The following SPTBN2 variants were observed in gnomAD, a reference collection of about 807,000 sequenced individuals.
SPTBN2 encodes spectrin beta chain, non-erythrocytic 2.
Under a neutral mutation model 284.2 loss-of-function variants are expected in SPTBN2, and 107 were observed. That is an observed-to-expected ratio of 0.38 (90% CI 0.32 to 0.44). SPTBN2 has a LOEUF of 0.44. Among genes scored for constraint, SPTBN2 ranks in the 20% least tolerant of loss-of-function variants. The probability of loss-of-function intolerance (pLI) is 1.00; values close to 1 mark genes in which losing one functional copy is unlikely to be tolerated. For synonymous variants in SPTBN2, 1,289 were observed against 1,354.8 expected (o/e 0.95, Z 1.07); for missense variants, 2,569 against 3,287.1 (o/e 0.78, Z 5.34).
rs1940017478 is a variant in SPTBN2, at chr11:66,684,963, A to G, written c.*908T>C. Among the ~76,000 whole-genome samples the G allele has an allele frequency of 6.6e-6, 1 of 152,212 alleles. No homozygotes were observed. The highest frequency in any genetic ancestry group is 1.5e-5 in the Non-Finnish European group (1 of 68,034). On this transcript the variant is annotated 3_prime_UTR_variant, in exon 38 of 38. Coordinates refer to ENST00000533211, the MANE Select transcript of SPTBN2 (RefSeq NM_006946.4). ...AGTGAAGAAAATTGTGCACCAGGGAAGGAGTCCCTCATTGCTTTTTAACAT... is the reference window on the plus strand; with the variant it reads ...AGTGAAGAAAATTGTGCACCAGGGAGGGAGTCCCTCATTGCTTTTTAACAT...
At position 66,683,904 on chromosome 11, in the gene SPTBN2, T is replaced by G. The variant is rs1939940128; in HGVS notation, c.*1967A>C. 6.6e-6 allele frequency among the ~76,000 whole-genome samples: 1 copy of G among 152,218 alleles called. No individual in the cohort carries two copies. The highest frequency in any genetic ancestry group is 1.9e-4 in the East Asian group (1 of 5,202). The stretch of plus-strand genomic sequence containing the variant: ...AGTTGTATTTGAAGAAAAGATGCTG[T>G]GTAGTGCTGATGGATTCTTCCACTT... On this transcript the variant is annotated 3_prime_UTR_variant, in exon 38 of 38. Coordinates refer to ENST00000533211, the MANE Select transcript of SPTBN2 (RefSeq NM_006946.4).
Position 66,715,209 on chromosome 11 carries a change from T to A in SPTBN2, c.483+13A>T. On this transcript the variant is annotated intron_variant, in intron 5 of 37. Transcript: ENST00000533211. The surrounding 1 kb of genome is among the most constrained non-coding windows in gnomAD (Gnocchi z 5.3). ...GCAGGAACCACACCCTGTGTGACAG[T>A]GTGCTGGGGTACCTGGAATCGAAGG... is the stretch of plus-strand genomic sequence containing the variant. The A allele has an allele frequency of 1.2e-6, 2 of 1,614,158 alleles. No individual in the cohort carries two copies. Among genetic ancestry groups the A allele is most frequent in the Non-Finnish European group, 1.7e-6 (2 of 1,180,020 alleles).
At position 66,708,854 on chromosome 11, in the gene SPTBN2, G is replaced by C. The variant is rs1941706485; in HGVS notation, c.1191+48C>G. ...GTTTGGGGATGTGTGCAAGGCATCT[G>C]GGCCAGGGCCTGCCCTGAGGGTGGG... On this transcript the variant is annotated intron_variant, in intron 11 of 37. Transcript: ENST00000533211. The surrounding 1 kb of genome is among the most constrained non-coding windows in gnomAD (Gnocchi z 4.4). 1 of 1,517,196 alleles carries C rather than the reference G, an allele frequency of 6.6e-7. No homozygotes were observed. Among genetic ancestry groups the C allele is most frequent in the Non-Finnish European group, 9.1e-7 (1 of 1,093,146 alleles). The allele number at this position is 1,517,196 out of a possible 1,614,324, so 94.0% of individuals were successfully genotyped here.
intron 7 of SPTBN2, among the ~76,000 whole-genome samples, 159 bp downstream of exon 7, chr11:66,713,932 T>C (rs1056877050): frequency 2.6e-5 from 4 of 152,134 alleles, no homozygotes; most frequent in African/African-American, 9.7e-5. Context: ...TCACAAGTGC[T>C]CTGCGCAGCC....
intron 37 of SPTBN2, 62 bp downstream of exon 37, chr11:66,686,336 G>T: frequency 6.3e-7 from 1 of 1,595,012 alleles, no homozygotes; most frequent in Non-Finnish European, 8.6e-7. Flanking sequence ...GAAAGAAGGG[G>T]AGTCTGCAGC....
Position 66,700,425 on chromosome 11 carries a change from A to G in SPTBN2, c.3573+101T>C, listed in dbSNP as rs775981868. On this transcript the variant is annotated intron_variant, in intron 17 of 37. Coordinates refer to ENST00000533211, the MANE Select transcript of SPTBN2 (RefSeq NM_006946.4). The surrounding 1 kb of genome is among the most constrained non-coding windows in gnomAD (Gnocchi z 6.6). ...CAGGTGTGAACCACTGCGCTGCCCCATTTTGCTAGCATGTCCTTCCTGCCC... is the reference window on the plus strand; with the variant it reads ...CAGGTGTGAACCACTGCGCTGCCCCGTTTTGCTAGCATGTCCTTCCTGCCC... 8.1e-4 allele frequency: 1,257 copies of G among 1,546,308 alleles called. 1 individual carries two copies. The highest frequency in any genetic ancestry group is 1.1e-3 in the Non-Finnish European group (1,198 of 1,137,396).
At position 66,698,789 on chromosome 11, in the gene SPTBN2, G is replaced by A. The variant is rs1287853016; in HGVS notation, c.3868-4C>T. ...TCTCGTCGATCCAGAGCTTCAGCTG[G>A]ACCAAACATAAAACAGGGACATTTC... On this transcript the variant is annotated splice_region_variant and splice_polypyrimidine_tract_variant and intron_variant, in intron 19 of 37. Coordinates refer to ENST00000533211, the MANE Select transcript of SPTBN2 (RefSeq NM_006946.4). 1 of 1,613,332 alleles carries A rather than the reference G, an allele frequency of 6.2e-7. No individual in the cohort carries two copies. Among genetic ancestry groups the A allele is most frequent in the Non-Finnish European group, 8.5e-7 (1 of 1,180,018 alleles).
At chr11:66,733,196 A>G (rs1942826186), upstream of SPTBN2, among the ~76,000 whole-genome samples, 1 of 152,124 alleles carries the variant, frequency 6.6e-6, no homozygotes, top group Non-Finnish European at 1.5e-5. Context: ...AAGTGATAGG[A>G]TCAACTTTGT....
Position 66,715,357 on chromosome 11 carries a change from C to T in SPTBN2, c.348G>A (p.Leu116=), listed in dbSNP as rs766230560. ...PTKGRMRIHC[L]ENVDKALQFL... is the part of the protein sequence containing the mutation. ...ACTGCAGTGCCTTGTCCACGTTCTC[C>T]AGGCAGTGGATCCGCATGCGGCCCT... Residue 116 remains leucine (L), a synonymous_variant, in exon 5 of 38, where the codon CTG becomes CTA. Transcript: ENST00000533211. The surrounding 1 kb of genome is among the most constrained non-coding windows in gnomAD (Gnocchi z 5.3). 40 of 1,614,014 alleles carry T rather than the reference C, an allele frequency of 2.5e-5. No individual in the cohort carries two copies. In the East Asian group the frequency reaches 8.7e-4, roughly 35 times the overall value.
Position 66,741,132 on chromosome 11 carries a change from G to A in SPTBN2, c.-475+3410C>T, listed in dbSNP as rs114214814. On this transcript the variant is annotated intron_variant, in intron 1 of 37. Transcript: ENST00000611817. ...CAAAGTAGACATGTGATATGGTTTG[G>A]CTGTGTGACCATCCAAATCTCATCT... is the stretch of plus-strand genomic sequence containing the variant. Among the ~76,000 whole-genome samples, 138 of 152,300 alleles carry A rather than the reference G, an allele frequency of 9.1e-4. 1 individual carries two copies. The highest frequency in any genetic ancestry group is 3.3e-3 in the African/African-American group (136 of 41,570).
intron 29 of SPTBN2, chr11:66,689,498 C>A: frequency 1.8e-6 from 1 of 544,466 alleles, no homozygotes; most frequent in Non-Finnish European, 3.3e-6. Flanking sequence ...CCCAGCCACA[C>A]AACCCATGGA....
At chr11:66,712,139 T>C (rs1223515699) in intron 8 of SPTBN2, among the ~76,000 whole-genome samples, 2 of 152,212 alleles carry the variant, frequency 1.3e-5, no homozygotes, top group Non-Finnish European at 2.9e-5. Context: ...GCAAGTTGCT[T>C]ACCCATTATA....
rs780506142 is a variant in SPTBN2 at position 66,686,091 on chromosome 11, G to A, written c.6953C>T (p.Ser2318Leu). The stretch of plus-strand genomic sequence containing the variant: ...GGCTGCATTCACCACCCGTAGCCAC[G>A]AGCTCATCTCTGCCTGTGGATGGAA... ...FQAKDEAEMSSWLRVVNAAIA... is the reference protein window; with the variant it reads ...FQAKDEAEMSLWLRVVNAAIA... The change falls in exon 38 of 38, where the codon TCG becomes TTG. Residue 2318 changes from serine to leucine, a missense_variant. Around this residue, in one of 6 missense-constraint regions of SPTBN2, gnomAD observed 1,130 missense variants for 1,317.3 expected, o/e 0.86. Transcript: ENST00000533211. 1.2e-5 allele frequency: 19 copies of A among 1,613,336 alleles called. No individual in the cohort carries two copies. In the South Asian group the frequency reaches 1.6e-4, roughly 14 times the overall value.
rs768308769 is a variant in SPTBN2, at chr11:66,691,628, G to A, written c.5221C>T (p.Arg1741Trp). Residue 1741 changes from arginine (R) to tryptophan (W), a missense_variant, in exon 27 of 38, where the codon CGG (arginine) becomes TGG (tryptophan). This residue lies in a region of SPTBN2 where 1,130 missense variants were observed against 1,317.3 expected (regional missense o/e 0.86). Coordinates refer to ENST00000533211, the MANE Select transcript of SPTBN2 (RefSeq NM_006946.4). This position sits in a 1 kb window ranked among gnomAD's most constrained non-coding sequence, Gnocchi z 8.0. ...TCCTGACCGATGGTGCTTGTGTCCC[G>A]GGAGAACTCTCGGAATTTGTCTCGG... is the stretch of plus-strand genomic sequence containing the variant. ...MLRDKFREFSRDTSTIGQERV... is the reference protein window; with the variant it reads ...MLRDKFREFSWDTSTIGQERV... 7 of 1,613,768 alleles carry A rather than the reference G, an allele frequency of 4.3e-6. No homozygotes were observed. Among genetic ancestry groups the A allele is most frequent in the South Asian group, 1.1e-5 (1 of 91,086 alleles).
In SPTBN2 at chr11:66,704,582, A is replaced by G; in HGVS notation, c.2678+16T>C. ...ACCTCCCAAGGCTGGTCCCACTAGG[A>G]GCCTGAGGGGCCTACCTCTGCTGCA... On this transcript the variant is annotated intron_variant, in intron 15 of 37. Coordinates refer to ENST00000533211, the MANE Select transcript of SPTBN2 (RefSeq NM_006946.4). 1 of 1,596,832 alleles carries G rather than the reference A, an allele frequency of 6.3e-7. No individual in the cohort carries two copies. Among genetic ancestry groups the G allele is most frequent in the Non-Finnish European group, 8.5e-7 (1 of 1,171,850 alleles).
In SPTBN2 at chr11:66,688,513, T is replaced by C. The variant is rs1011507328; in HGVS notation, c.6231+140A>G. ...GGGGAACTGACACCTCCTAAAGGTG[T>C]GGTGACAATGGCACTCTCAGCTCAC... is the stretch of plus-strand genomic sequence containing the variant. On this transcript the variant is annotated intron_variant, in intron 31 of 37. Transcript: ENST00000533211. 32 of 1,448,312 alleles carry C rather than the reference T, an allele frequency of 2.2e-5. No individual in the cohort carries two copies. The African/African-American group carries it at 4.2e-4, about 19-fold the overall frequency. The allele number at this position is 1,448,312 out of a possible 1,614,324, so 89.7% of individuals were successfully genotyped here.
chr11:66,705,352 G>T lies in SPTBN2; in HGVS notation c.1924C>A (p.Arg642=). The stretch of plus-strand genomic sequence containing the variant: ...ACCTCCCAGAGGAAACGCCAGAGCC[G>T]CCGTGATTCCTCCAGCCGGGCCCGC... ...ARRARLEESR[R]LWRFLWEVGE... The change falls in exon 15 of 38, where the codon CGG becomes AGG. Residue 642 remains arginine, a synonymous_variant. Coordinates refer to ENST00000533211, the MANE Select transcript of SPTBN2 (RefSeq NM_006946.4). 1 of 1,611,608 alleles carries T rather than the reference G, an allele frequency of 6.2e-7. No individual in the cohort carries two copies. Among genetic ancestry groups the T allele is most frequent in the Admixed American group, 1.7e-5 (1 of 60,006 alleles).
chr11:66,690,114 A>C lies in SPTBN2; in HGVS notation c.5735T>G (p.Phe1912Cys), dbSNP rs2135329229. Residue 1912 changes from phenylalanine (F) to cysteine (C), a missense_variant, in exon 28 of 38, where the codon TTC (phenylalanine) becomes TGC (cysteine). This residue lies in a region of SPTBN2 where 1,130 missense variants were observed against 1,317.3 expected (regional missense o/e 0.86). Coordinates refer to ENST00000533211, the MANE Select transcript of SPTBN2 (RefSeq NM_006946.4). ...LLLDTTDKFRFFKAVRELMLW... is the reference protein window; with the variant it reads ...LLLDTTDKFRCFKAVRELMLW... ...CATCAGTTCCCGGACAGCCTTGAAG[A>C]AGCGGAACTTGTCTGTGGTGTCCAG... 1.2e-6 allele frequency: 2 copies of C among 1,614,250 alleles called. No homozygotes were observed. Among genetic ancestry groups the C allele is most frequent in the East Asian group, 4.5e-5 (2 of 44,892 alleles).
rs761862995 is a variant in SPTBN2 at position 66,687,514 on chromosome 11, C to A, written c.6635G>T (p.Gly2212Val). The A allele has an allele frequency of 7.4e-6, 12 of 1,612,016 alleles. No individual in the cohort carries two copies. The highest frequency in any genetic ancestry group is 1.0e-5 in the Non-Finnish European group (12 of 1,180,006). Residue 2212 changes from glycine to valine, a missense_variant, in exon 35 of 38, where the codon GGC (glycine) becomes GTC (valine). Transcript: ENST00000533211. This position sits in a 1 kb window ranked among gnomAD's most constrained non-coding sequence, Gnocchi z 5.2. ...SAHAATLPPRGPEPSAQEQME... is the reference protein window; with the variant it reads ...SAHAATLPPRVPEPSAQEQME... Reference sequence around the variant, plus strand: ...CTGCTCCTGGGCAGATGGCTCTGGGCCTCGAGGCGGCAGGGTGGCAGCATG... The same window carrying A: ...CTGCTCCTGGGCAGATGGCTCTGGGACTCGAGGCGGCAGGGTGGCAGCATG...
Sources: gnomAD v4.1 joint callset for allele counts (sites outside exome capture counted in the v4.1 genomes callset) on GRCh38, gnomAD v4.1.1 for gene constraint, gnomAD v4.1.1 regional missense constraint, Gnocchi (gnomAD v3.1) non-coding constraint, MANE v1.5 for transcripts, NCBI Gene and HGNC (gene_info 2026-07-23, HGNC 2026-07-21) for gene names.